The following RGS22 variants were observed in gnomAD, a reference collection of about 807,000 sequenced individuals.
RGS22 encodes the protein regulator of G protein signaling 22.
A neutral mutation model predicts 172.9 loss-of-function variants in RGS22; 148 were observed. The ratio of observed to expected loss-of-function variants is 0.86; its 90% CI spans 0.75 to 0.98. RGS22 has a LOEUF of 0.98. RGS22 is among the 50% of genes least tolerant of loss of function. RGS22 has a pLI of 0.00. For synonymous variants in RGS22, 458 were observed against 480.2 expected (o/e 0.95, Z 0.60); for missense variants, 1,347 against 1,440.8 (o/e 0.93, Z 1.05).
At chr8:100,041,774 A>C in intron 12 of RGS22, 28 bp downstream of exon 12, 1 of 1,153,352 alleles carries the variant, frequency 8.7e-7, no homozygotes, top group Non-Finnish European at 1.3e-6. Context: ...ATGAAGAATC[A>C]GGTTTATTCA....
Position 99,981,993 on chromosome 8 carries a change from G to C in RGS22, c.3304C>G (p.Gln1102Glu). The change falls in exon 22 of 28, where the codon CAG becomes GAG. Residue 1102 changes from glutamine to glutamate, a missense_variant. Physicochemically the swap from Gln to Glu is conservative, Grantham distance 29. Coordinates refer to ENST00000360863, the MANE Select transcript of RGS22 (RefSeq NM_015668.5). ...TCCTTCCGGTGTTCAATAATCTTCT[G>C]GGCTTGCTCTACTGGAATGTCAATT... ...LQIDIPVEQA[Q>E]KIIEHRKELG... is the part of the protein sequence containing the mutation. 1 of 1,613,856 alleles carries C rather than the reference G, an allele frequency of 6.2e-7. No individual in the cohort carries two copies. Among genetic ancestry groups the C allele is most frequent in the Non-Finnish European group, 8.5e-7 (1 of 1,179,916 alleles).
chr8:99,967,360 C>A (rs1438380240), intron 23 of RGS22, among the ~76,000 whole-genome samples: 1 of 151,430 alleles, frequency 6.6e-6, no homozygotes, highest in Non-Finnish European at 1.5e-5. Flanking sequence ...CCCAGTGGAG[C>A]CTGGAACCCC....
intron 10 of RGS22, among the ~76,000 whole-genome samples, chr8:100,049,604 T>C (rs1190020567): frequency 1.3e-5 from 2 of 152,166 alleles, no homozygotes; most frequent in East Asian, 3.8e-4. Context: ...TTAATAACGT[T>C]GTTTGTACAA....
Position 99,966,241 on chromosome 8 carries a change from T to C in RGS22, c.3520-811A>G, listed in dbSNP as rs148153959. On this transcript the variant is annotated intron_variant, in intron 23 of 27. Transcript: ENST00000360863. ...TAAATGATGGGTACACACAGACATA[T>C]AGAGTAGAGTAACAGACACTGGTGA... is the stretch of plus-strand genomic sequence containing the variant. Among the ~76,000 whole-genome samples the C allele has an allele frequency of 2.2e-4, 33 of 152,150 alleles. No individual in the cohort carries two copies. The East Asian group carries it at 5.4e-3, about 25-fold the overall frequency.
chr8:100,085,595 C>A (rs558579990), intron 3 of RGS22, among the ~76,000 whole-genome samples: 2 of 152,198 alleles, frequency 1.3e-5, no homozygotes, highest in African/African-American at 2.4e-5. Flanking sequence ...GTCACTGATT[C>A]TTCAGTTAGG....
chr8:100,099,596 C>T (rs775697461), intron 2 of RGS22, among the ~76,000 whole-genome samples: 20 of 152,142 alleles, frequency 1.3e-4, no homozygotes, highest in Non-Finnish European at 2.8e-4. Flanking sequence ...TATGGCCATA[C>T]CTTGAAAAAG....
At chr8:100,017,720 A>G (rs1021383799) in intron 14 of RGS22, among the ~76,000 whole-genome samples, 8 of 152,198 alleles carry the variant, frequency 5.3e-5, no homozygotes, top group African/African-American at 1.9e-4. Flanking sequence ...GTTGATATAA[A>G]TTGACTTTAA....
intron 6 of RGS22, among the ~76,000 whole-genome samples, chr8:100,070,735 T>C (rs112573941): frequency 3.3e-5 from 5 of 152,174 alleles, no homozygotes; most frequent in East Asian, 1.9e-4. Flanking sequence ...ACAAGAATTA[T>C]TGCTAAATCT....
intron 3 of RGS22, among the ~76,000 whole-genome samples, chr8:100,083,224 A>C (rs535774913): frequency 6.6e-6 from 1 of 152,260 alleles, no homozygotes; most frequent in African/African-American, 2.4e-5. Flanking sequence ...CCATCACCAC[A>C]CTCTGGGGAG....
rs562033541 is a variant in RGS22, at chr8:100,052,813, G to A, written c.1678C>T (p.Pro560Ser). The A allele has an allele frequency of 3.7e-6, 6 of 1,613,950 alleles. No homozygotes were observed. In the South Asian group the frequency reaches 4.4e-5, roughly 12 times the overall value. The change falls in exon 10 of 28, where the codon CCT (proline) becomes TCT (serine). Residue 560 changes from proline (P) to serine (S), a missense_variant. Transcript: ENST00000360863. ...AATGTACACCCTACCTGGATCTCAG[G>A]TATCTGTGGAATGCAAGATTTGGGT... ...LRPKSCIPQI[P>S]EIQKEEFSLS... is the part of the protein sequence containing the mutation.
chr8:100,010,092 C>T (rs935573384), intron 14 of RGS22, among the ~76,000 whole-genome samples: 1 of 152,160 alleles, frequency 6.6e-6, no homozygotes, highest in African/African-American at 2.4e-5. Context: ...CTAAGTCTTG[C>T]TATTTTGCCA....
intron 21 of RGS22, among the ~76,000 whole-genome samples, chr8:99,985,248 T>C (rs1004222133): frequency 4.6e-5 from 7 of 152,212 alleles, no homozygotes; most frequent in African/African-American, 1.7e-4. Context: ...CTTGACCTCA[T>C]GGGATTCTTG....
chr8:100,104,966 T>C (rs1813807536), intron 2 of RGS22, among the ~76,000 whole-genome samples: 2 of 152,244 alleles, frequency 1.3e-5, no homozygotes, highest in Admixed American at 6.5e-5. Context: ...TGGGAGTATT[T>C]AGTACATTTG....
rs75330957 is a variant in RGS22, at chr8:99,981,975, G to A, written c.3322C>T (p.Arg1108Trp). 116 of 1,613,544 alleles carry A rather than the reference G, an allele frequency of 7.2e-5. No individual in the cohort carries two copies. The South Asian group carries it at 8.0e-4, about 11-fold the overall frequency. Residue 1108 changes from arginine to tryptophan, a missense_variant, in exon 22 of 28, where the codon CGG becomes TGG. Transcript: ENST00000360863. The part of the protein sequence containing the change: ...VEQAQKIIEH[R>W]KELGPYVFRE... ...AATACATATGGTCCTAACTCCTTCCGGTGTTCAATAATCTTCTGGGCTTGC... is the reference window on the plus strand; with the variant it reads ...AATACATATGGTCCTAACTCCTTCCAGTGTTCAATAATCTTCTGGGCTTGC...
chr8:100,027,245 AAG>A (rs966661754), intron 14 of RGS22, among the ~76,000 whole-genome samples: 1 of 152,108 alleles, frequency 6.6e-6, no homozygotes, highest in Non-Finnish European at 1.5e-5. Flanking sequence ...TCAAAAAAAA[AAG>A]AGAGAGACAT....
chr8:100,093,760 G>C (rs901132158), intron 2 of RGS22, among the ~76,000 whole-genome samples: 1 of 152,086 alleles, frequency 6.6e-6, no homozygotes, highest in South Asian at 2.1e-4. Context: ...ACTATACTTA[G>C]TTGGAAAACA....
At position 99,977,975 on chromosome 8, in the gene RGS22, T is replaced by C. The variant is rs1350387901; in HGVS notation, c.3461A>G (p.Gln1154Arg). 1.3e-6 allele frequency: 2 copies of C among 1,563,016 alleles called. No individual in the cohort carries two copies. Among genetic ancestry groups the C allele is most frequent in the Non-Finnish European group, 8.6e-7 (1 of 1,162,702 alleles). Residue 1154 changes from glutamine to arginine, a missense_variant, in exon 23 of 28, where the codon CAA (glutamine) becomes CGA (arginine). Physicochemically the swap from Gln to Arg is conservative, Grantham distance 43. Coordinates refer to ENST00000360863, the MANE Select transcript of RGS22 (RefSeq NM_015668.5). Reference sequence around the variant, plus strand: ...TTTTTTTTTCTGCTTATTATATTCTTGTCTTCTCTCTAAAACACTCATAAT... The same window carrying C: ...TTTTTTTTTCTGCTTATTATATTCTCGTCTTCTCTCTAAAACACTCATAAT... The part of the protein sequence containing the change: ...ENIMSVLERR[Q>R]EYNKQKKKLA...
Position 100,063,697 on chromosome 8 carries a change from A to T in RGS22, c.1071T>A (p.Phe357Leu). 6.2e-7 allele frequency: 1 copy of T among 1,614,042 alleles called. No individual in the cohort carries two copies. Among genetic ancestry groups the T allele is most frequent in the Non-Finnish European group, 8.5e-7 (1 of 1,179,962 alleles). The stretch of plus-strand genomic sequence containing the variant: ...AAAAATTCTTGCCATGAATAGACTC[A>T]AAACAATCATCAAATGACACTTTTG... ...NITKVSFDDCFESIHGKNFLS... is the reference protein window; with the variant it reads ...NITKVSFDDCLESIHGKNFLS... The change falls in exon 8 of 28, where the codon TTT becomes TTA. Residue 357 changes from phenylalanine to leucine, a missense_variant. By Grantham distance (22) the Phe-to-Leu change is conservative. Transcript: ENST00000360863.
chr8:100,001,202 T>TTATATATATATATATACA (rs1554611097), intron 18 of RGS22, among the ~76,000 whole-genome samples: 115 of 124,772 alleles, frequency 9.2e-4, no homozygotes, highest in South Asian at 2.2e-3. Context: ...TCCCAATTTT[T>TTATATATATATATATACA]TATATATATA....
Sources: gnomAD v4.1 joint callset for allele counts (sites outside exome capture counted in the v4.1 genomes callset) on GRCh38, gnomAD v4.1.1 for gene constraint, MANE v1.5 for transcripts, NCBI Gene and HGNC (gene_info 2026-07-23, HGNC 2026-07-21) for gene names.